The following CADM4 variants were observed in gnomAD, a reference collection of about 807,000 sequenced individuals.
CADM4 encodes cell adhesion molecule 4.
CADM4 carries 13 observed loss-of-function variants against 43.9 expected under a neutral mutation model. That is an observed-to-expected ratio of 0.30 (90% CI 0.19 to 0.47). The LOEUF (loss-of-function observed/expected upper bound fraction) is 0.47. Ranked by LOEUF, CADM4 falls within the 20% of genes least tolerant of loss-of-function variation. The pLI, the probability that CADM4 is intolerant of heterozygous loss-of-function variation, is 1.00. For missense variants in CADM4, 420 were observed against 527.0 expected (o/e 0.80, Z 1.99); for synonymous variants, 209 against 220.9 (o/e 0.95, Z 0.48).
chr19:43,625,432 G>T lies in CADM4; in HGVS notation c.756-182C>A, dbSNP rs1392777586. Among the ~76,000 whole-genome samples, 1 of 152,120 alleles carries T rather than the reference G, an allele frequency of 6.6e-6. No homozygotes were observed. The highest frequency in any genetic ancestry group is 1.5e-5 in the Non-Finnish European group (1 of 68,034). ...GGGCCTACTTCCACCCATCACCAAG[G>T]TCTCAGGAATTCTAGCCCAGGCTGA... is the stretch of plus-strand genomic sequence containing the variant. On this transcript the variant is annotated intron_variant, in intron 6 of 8. Transcript: ENST00000222374. This position sits in a 1 kb window ranked among gnomAD's most constrained non-coding sequence, Gnocchi z 4.5.
At position 43,626,182 on chromosome 19, in the gene CADM4, C is replaced by T; in HGVS notation, c.606G>A (p.Gln202=). The change falls in exon 5 of 9, where the codon CAG becomes CAA. Residue 202 remains glutamine, a synonymous_variant. Coordinates refer to ENST00000222374, the MANE Select transcript of CADM4 (RefSeq NM_145296.2). This position sits in a 1 kb window ranked among gnomAD's most constrained non-coding sequence, Gnocchi z 5.9. ...DDGGIIICEA[Q]NQALPSGHSK... Reference sequence around the variant, plus strand: ...TGTGTCCGGAGGGCAGCGCCTGGTTCTGCGCCTCACAGATGATGATACCAC... The same window carrying T: ...TGTGTCCGGAGGGCAGCGCCTGGTTTTGCGCCTCACAGATGATGATACCAC... The T allele has an allele frequency of 6.2e-7, 1 of 1,614,048 alleles. No individual in the cohort carries two copies.
Position 43,623,565 on chromosome 19 carries a change from A to G in CADM4, c.1058-126T>C. On this transcript the variant is annotated intron_variant, in intron 8 of 8. Coordinates refer to ENST00000222374, the MANE Select transcript of CADM4 (RefSeq NM_145296.2). The surrounding 1 kb of genome is among the most constrained non-coding windows in gnomAD (Gnocchi z 4.4). ...AGGCGAAGGAAGAGGGAGAAACGGA[A>G]CACACAGGGAGAGGCAGAGAAAGAG... 1 of 718,086 alleles carries G rather than the reference A, an allele frequency of 1.4e-6. No individual in the cohort carries two copies. Among genetic ancestry groups the G allele is most frequent in the Admixed American group, 2.0e-5 (1 of 50,834 alleles). The allele number at this position is 718,086 out of a possible 1,614,324, so 44.5% of individuals were successfully genotyped here.
chr19:43,626,803 C>T lies in CADM4; in HGVS notation c.480G>A (p.Arg160=), dbSNP rs758319351. ...SRPAATLRWY[R]DRKELKGVSS... ...GGGTACCTTTCAGCTCCTTGCGGTC[C>T]CGGTACCAGCGCAGGGTGGCAGCCG... is the stretch of plus-strand genomic sequence containing the variant. The change falls in exon 4 of 9, where the codon CGG becomes CGA. Residue 160 remains arginine (R), a synonymous_variant. Transcript: ENST00000222374. The surrounding 1 kb of genome is among the most constrained non-coding windows in gnomAD (Gnocchi z 5.9). 6.2e-7 allele frequency: 1 copy of T among 1,602,716 alleles called. No homozygotes were observed. The highest frequency in any genetic ancestry group is 1.1e-5 in the South Asian group (1 of 90,266).
chr19:43,627,229 C>T lies in CADM4; in HGVS notation c.301G>A (p.Gly101Ser), dbSNP rs1973543963. 1 of 1,601,346 alleles carries T rather than the reference C, an allele frequency of 6.2e-7. No homozygotes were observed. Among genetic ancestry groups the T allele is most frequent in the Non-Finnish European group, 8.5e-7 (1 of 1,173,538 alleles). Residue 101 changes from glycine (G) to serine (S), a missense_variant, in exon 3 of 9, where the codon GGC (glycine) becomes AGC (serine). Coordinates refer to ENST00000222374, the MANE Select transcript of CADM4 (RefSeq NM_145296.2). The surrounding 1 kb of genome is among the most constrained non-coding windows in gnomAD (Gnocchi z 4.0). ...LSDARLEDEG[G>S]YFCQLYTEDT... ...TCTGTGTAGAGCTGGCAGAAATAGC[C>T]CCCCTCGTCCTCCAGGCGGGCATCT... is the stretch of plus-strand genomic sequence containing the variant.
chr19:43,623,253 C>T lies in CADM4; in HGVS notation c.*77G>A. ...CACCATCCCAGACTCTGGTAAATGT[C>T]TTTGCTGGTTCCTTGCAGCTGGCAG... On this transcript the variant is annotated 3_prime_UTR_variant, in exon 9 of 9. Transcript: ENST00000222374. This position sits in a 1 kb window ranked among gnomAD's most constrained non-coding sequence, Gnocchi z 4.4. 1 of 1,035,108 alleles carries T rather than the reference C, an allele frequency of 9.7e-7. No individual in the cohort carries two copies. The highest frequency in any genetic ancestry group is 2.4e-5 in the East Asian group (1 of 42,276). The allele number at this position is 1,035,108 out of a possible 1,614,324, so 64.1% of individuals were successfully genotyped here.
chr19:43,624,372 A>C, intron 7 of CADM4, 130 bp from the exon 8 acceptor site: 1 of 1,107,542 alleles, frequency 9.0e-7, no homozygotes, highest in Non-Finnish European at 1.3e-6. Context: ...CCCCTCAAAA[A>C]TTACTGCCAC....
chr19:43,632,872 G>C (rs1019844849), intron 1 of CADM4, among the ~76,000 whole-genome samples: 1 of 151,942 alleles, frequency 6.6e-6, no homozygotes, highest in African/African-American at 2.4e-5. Context: ...ATCACCTCAG[G>C]TCAGGAGTTC....
chr19:43,622,541 T>C lies in CADM4; in HGVS notation c.*789A>G, dbSNP rs1055407007. On this transcript the variant is annotated 3_prime_UTR_variant, in exon 9 of 9. Transcript: ENST00000222374. ...GGAGAGGGGGGTGCAATCTGATATT[T>C]TCATACAGACTTTTGATTTTTTAAT... 7 of 152,336 alleles carry C rather than the reference T, an allele frequency of 4.6e-5. No homozygotes were observed. The highest frequency in any genetic ancestry group is 1.7e-4 in the African/African-American group (7 of 41,544). The allele number at this position is 152,336 out of a possible 1,614,324, so 9.4% of individuals were successfully genotyped here. A position where few individuals can be genotyped will look rare whatever the true frequency, so the allele number is the denominator to read the frequency against.
chr19:43,634,496 G>A (rs1259421541), intron 1 of CADM4, among the ~76,000 whole-genome samples: 2 of 152,000 alleles, frequency 1.3e-5, no homozygotes, highest in Non-Finnish European at 2.9e-5. Context: ...TGCACATGGG[G>A]TGAGGGTGGG....
rs1973538681 is a variant in CADM4, at chr19:43,626,950, A to G, written c.365-32T>C. The G allele has an allele frequency of 1.9e-6, 3 of 1,554,458 alleles. No individual in the cohort carries two copies. The highest frequency in any genetic ancestry group is 2.3e-5 in the East Asian group (1 of 43,164). The stretch of plus-strand genomic sequence containing the variant: ...CAGGGAGAAGGGAAGTAAGGGGTTA[A>G]AGAAGGCACGAACGTGGGCTCAAAG... On this transcript the variant is annotated intron_variant, in intron 3 of 8. Coordinates refer to ENST00000222374, the MANE Select transcript of CADM4 (RefSeq NM_145296.2). This position sits in a 1 kb window ranked among gnomAD's most constrained non-coding sequence, Gnocchi z 5.9.
rs1205228359 is a variant in CADM4 at position 43,623,543 on chromosome 19, C to A, written c.1058-104G>T. The A allele has an allele frequency of 1.8e-5, 14 of 773,372 alleles. No homozygotes were observed. In the East Asian group the frequency reaches 3.4e-4, roughly 19 times the overall value. 47.9% of individuals were successfully genotyped at this position (773,372 alleles called of 1,614,324 possible). On this transcript the variant is annotated intron_variant, in intron 8 of 8. Transcript: ENST00000222374. This position sits in a 1 kb window ranked among gnomAD's most constrained non-coding sequence, Gnocchi z 4.4. ...GGAGACAGACAAGACACATGCCAGG[C>A]GAAGGAAGAGGGAGAAACGGAACAC... is the stretch of plus-strand genomic sequence containing the variant.
At chr19:43,639,616 GC>G (rs1001687965) in intron 1 of CADM4, 110 bp downstream of exon 1, 1 of 642,014 alleles carries the variant, frequency 1.6e-6, no homozygotes, top group African/African-American at 2.0e-5. Flanking sequence ...AGGGGGCCCG[GC>G]CCGGCCCCGC....
rs1387027702 is a variant in CADM4, at chr19:43,625,974, G to C, written c.692C>G (p.Ser231Cys). The C allele has an allele frequency of 1.2e-6, 2 of 1,614,058 alleles. No homozygotes were observed. The highest frequency in any genetic ancestry group is 1.7e-6 in the Non-Finnish European group (2 of 1,180,036). ...GTCTCCCTCCCTCACCACAGCTTGGGAGGCATGAATCCGGGCCGTGGGGGA... is the reference window on the plus strand; with the variant it reads ...GTCTCCCTCCCTCACCACAGCTTGGCAGGCATGAATCCGGGCCGTGGGGGA... ...QYSPTARIHA[S>C]QAVVREGDTL... is the part of the protein sequence containing the mutation. The change falls in exon 6 of 9, where the codon TCC (serine) becomes TGC (cysteine). Residue 231 changes from serine (S) to cysteine (C), a missense_variant. Ser to Cys is a moderately radical substitution (Grantham distance 112). Transcript: ENST00000222374. This position sits in a 1 kb window ranked among gnomAD's most constrained non-coding sequence, Gnocchi z 4.5.
intron 1 of CADM4, among the ~76,000 whole-genome samples, chr19:43,633,905 A>C (rs1568543696): frequency 6.6e-6 from 1 of 151,212 alleles, no homozygotes; most frequent in Non-Finnish European, 1.5e-5. Context: ...TATCTTGCCC[A>C]GGTTGGTCTT....
upstream of CADM4, among the ~76,000 whole-genome samples, chr19:43,640,491 G>C (rs920012938): frequency 2.2e-4 from 34 of 151,860 alleles, no homozygotes. Flanking sequence ...GCTCAGGAGT[G>C]GGGTGGGGTC....
intron 7 of CADM4, chr19:43,624,790 A>G (rs1973494903): frequency 9.0e-6 from 4 of 443,160 alleles, no homozygotes. Context: ...AGCCCATTCC[A>G]ACCACCTTAC....
In CADM4 at chr19:43,639,745, C is replaced by G; in HGVS notation, c.46G>C (p.Ala16Pro). The change falls in exon 1 of 9, where the codon GCG becomes CCG. Residue 16 changes from alanine to proline, a missense_variant. By Grantham distance (27) the Ala-to-Pro change is conservative (BLOSUM62 -1). Transcript: ENST00000222374. ...RFQWPLLLLWAAAAGPGAGQE... is the reference protein window; with the variant it reads ...RFQWPLLLLWPAAAGPGAGQE... ...ACCCTACCTGGCCCCGCCGCGGCCG[C>G]CCACAGCAGCAGCAGCGGCCACTGG... 1 of 1,022,374 alleles carries G rather than the reference C, an allele frequency of 9.8e-7. No homozygotes were observed. Among genetic ancestry groups the G allele is most frequent in the Non-Finnish European group, 1.2e-6 (1 of 852,150 alleles). The allele number at this position is 1,022,374 out of a possible 1,614,324, so 63.3% of individuals were successfully genotyped here. A position where few individuals can be genotyped will look rare whatever the true frequency, so the allele number is the denominator to read the frequency against.
rs964231915 is a variant in CADM4 at position 43,639,777 on chromosome 19, C to T, written c.14G>A (p.Arg5Gln). The T allele has an allele frequency of 3.9e-6, 4 of 1,017,514 alleles. No homozygotes were observed. Among genetic ancestry groups the T allele is most frequent in the South Asian group, 3.6e-5 (1 of 28,020 alleles). 63.0% of individuals were successfully genotyped at this position (1,017,514 alleles called of 1,614,324 possible). A position where few individuals can be genotyped will look rare whatever the true frequency, so the allele number is the denominator to read the frequency against. The change falls in exon 1 of 9, where the codon CGG (arginine) becomes CAG (glutamine). Residue 5 changes from arginine (R) to glutamine (Q), a missense_variant. By Grantham distance (43) the Arg-to-Gln change is conservative. Coordinates refer to ENST00000222374, the MANE Select transcript of CADM4 (RefSeq NM_145296.2). MGRA[R>Q]RFQWPLLLLW... Reference sequence around the variant, plus strand: ...CAGCAGCAGCGGCCACTGGAAGCGCCGGGCCCGGCCCATGGTGCCGCCGCC... The same window carrying T: ...CAGCAGCAGCGGCCACTGGAAGCGCTGGGCCCGGCCCATGGTGCCGCCGCC...
Position 43,623,274 on chromosome 19 carries a change from G to T in CADM4, c.*56C>A, listed in dbSNP as rs1053125447. On this transcript the variant is annotated 3_prime_UTR_variant, in exon 9 of 9. Coordinates refer to ENST00000222374, the MANE Select transcript of CADM4 (RefSeq NM_145296.2). The surrounding 1 kb of genome is among the most constrained non-coding windows in gnomAD (Gnocchi z 4.4). ...ATGTCTTTGCTGGTTCCTTGCAGCT[G>T]GCAGTGGGGGGGACCCCAGCCCAGG... The T allele has an allele frequency of 8.0e-7, 1 of 1,256,204 alleles. No homozygotes were observed. 77.8% of individuals were successfully genotyped at this position (1,256,204 alleles called of 1,614,324 possible).
Sources: allele counts gnomAD v4.1 joint callset (sites outside exome capture counted in the v4.1 genomes callset), GRCh38; gene constraint gnomAD v4.1.1; non-coding constraint Gnocchi (gnomAD v3.1); transcripts MANE v1.5; gene names NCBI Gene and HGNC (gene_info 2026-07-23, HGNC 2026-07-21).